Variants in ZSCAN5A observed in about 807,000 individuals in gnomAD.
ZSCAN5A encodes the protein zinc finger and SCAN domain-containing protein 5A.
In ZSCAN5A, 12 loss-of-function variants were observed where a neutral mutation model predicts 23.7. The ratio of observed to expected loss-of-function variants is 0.51; its 90% confidence interval spans 0.32 to 0.82. ZSCAN5A has a LOEUF of 0.82. ZSCAN5A is among the 40% of genes least tolerant of loss of function. ZSCAN5A has a pLI of 0.03. For synonymous variants in ZSCAN5A, 257 were observed against 239.9 expected, an observed-to-expected ratio of 1.07 and a Z score of -0.66; for missense variants, 597 against 617.9, an observed-to-expected ratio of 0.97 and a Z score of 0.36.
chr19:56,221,509 G>C lies in ZSCAN5A; in HGVS notation c.*66C>G. 1.3e-6 allele frequency: 2 copies of C among 1,519,016 alleles called. No individual in the cohort carries two copies. The highest frequency in any genetic ancestry group is 2.7e-5 in the South Asian group (2 of 74,500). The allele number at this position is 1,519,016 out of a possible 1,614,324, so 94.1% of individuals were successfully genotyped here. A position where few individuals can be genotyped will look rare whatever the true frequency, so the allele number is the denominator to read the frequency against. Reference sequence around the variant, plus strand: ...CCCTTGCATGTGTCAAATGTCATCTGATAACATTGATGAAAAATATCATTC... The same window carrying C: ...CCCTTGCATGTGTCAAATGTCATCTCATAACATTGATGAAAAATATCATTC... On this transcript the variant is annotated 3_prime_UTR_variant, in exon 6 of 6. Coordinates refer to ENST00000683990, the MANE Select transcript of ZSCAN5A (RefSeq NM_001322064.3).
intron 2 of ZSCAN5A, among the ~76,000 whole-genome samples, chr19:56,335,901 T>G (rs1424068938): frequency 6.6e-6 from 1 of 152,210 alleles, no homozygotes; most frequent in African/African-American, 2.4e-5. Flanking sequence ...TTAAGAATGT[T>G]GAATATTGGC....
intron 2 of ZSCAN5A, among the ~76,000 whole-genome samples, chr19:56,275,905 A>G (rs1462459227): frequency 6.6e-6 from 1 of 152,180 alleles, no homozygotes; most frequent in Admixed American, 6.5e-5. Context: ...GGACTTATCG[A>G]TGGATGGATG....
At chr19:56,236,284 T>C (rs376933634) in intron 2 of ZSCAN5A, among the ~76,000 whole-genome samples, 3 of 46,876 alleles carry the variant, frequency 6.4e-5, no homozygotes, top group Non-Finnish European at 1.2e-4. Context: ...CAGCCTCTGA[T>C]TGACCGTGGG....
chr19:56,228,130 G>C lies in ZSCAN5A; in HGVS notation c.-127-2957C>G, dbSNP rs149077828. ...TCAGAGTTAATCATGGGGTGCAAAG[G>C]AGACCCGCTGCCTTCACAAAGTCTC... On this transcript the variant is annotated intron_variant, in intron 2 of 5. Coordinates refer to ENST00000683990, the MANE Select transcript of ZSCAN5A (RefSeq NM_001322064.3). 2.0e-3 allele frequency: 1,391 copies of C among 711,004 alleles called. 39 individuals are homozygous for C. In the Admixed American group the frequency reaches 0.052, roughly 26 times the overall value. 44.0% of individuals were successfully genotyped at this position (711,004 alleles called of 1,614,324 possible). A position where few individuals can be genotyped will look rare whatever the true frequency, so the allele number is the denominator to read the frequency against.
intron 2 of ZSCAN5A, among the ~76,000 whole-genome samples, chr19:56,332,918 C>G (rs988801864): frequency 7.2e-5 from 11 of 152,042 alleles, no homozygotes; most frequent in African/African-American, 2.4e-4. Context: ...GCTTTTGAAG[C>G]CTAGTTTGGT....
chr19:56,254,966 G>A (rs2036596150), intron 2 of ZSCAN5A, among the ~76,000 whole-genome samples: 1 of 151,932 alleles, frequency 6.6e-6, no homozygotes, highest in African/African-American at 2.4e-5. Context: ...GTGCGAATAT[G>A]GTATCCCCCT....
At chr19:56,261,080 C>T (rs1162133487) in intron 2 of ZSCAN5A, among the ~76,000 whole-genome samples, 1 of 151,924 alleles carries the variant, frequency 6.6e-6, no homozygotes, top group Non-Finnish European at 1.5e-5. Context: ...TGGTGGCAGG[C>T]ACCTGTAATC....
intron 2 of ZSCAN5A, among the ~76,000 whole-genome samples, chr19:56,361,936 T>C (rs1358791304): frequency 6.6e-6 from 1 of 151,840 alleles, no homozygotes; most frequent in Admixed American, 6.6e-5. Flanking sequence ...GGAGGGCAGA[T>C]CATGAGGTCA....
chr19:56,323,197 G>A (rs1225279860), intron 2 of ZSCAN5A, among the ~76,000 whole-genome samples: 1 of 151,614 alleles, frequency 6.6e-6, no homozygotes, highest in Non-Finnish European at 1.5e-5. Context: ...CCCGGCCTTG[G>A]TTTCTTAAAA....
At chr19:56,252,780 G>A (rs2036435733) in intron 2 of ZSCAN5A, among the ~76,000 whole-genome samples, 2 of 152,358 alleles carry the variant, frequency 1.3e-5, no homozygotes, top group South Asian at 4.1e-4. Flanking sequence ...GTCACCAGGG[G>A]AAATAGGAGG....
chr19:56,222,783 C>G, intron 4 of ZSCAN5A, 42 bp from the exon 5 acceptor site: 1 of 1,613,668 alleles, frequency 6.2e-7, no homozygotes, highest in Non-Finnish European at 8.5e-7. Flanking sequence ...TGTGTCCAAA[C>G]TGGTGGAAGC....
At chr19:56,225,406 G>T (rs1010081538) in intron 2 of ZSCAN5A, 2 of 196,786 alleles carry the variant, frequency 1.0e-5, no homozygotes, top group African/African-American at 2.3e-5. Context: ...CTGTCAATTG[G>T]AACAACATTG....
chr19:56,255,292 T>A (rs190664155), intron 2 of ZSCAN5A, among the ~76,000 whole-genome samples: 1 of 152,144 alleles, frequency 6.6e-6, no homozygotes, highest in Non-Finnish European at 1.5e-5. Flanking sequence ...AGAACGTCAA[T>A]ATTGAGCAAA....
chr19:56,254,298 T>C (rs2036552166), intron 2 of ZSCAN5A, among the ~76,000 whole-genome samples: 1 of 152,234 alleles, frequency 6.6e-6, no homozygotes, highest in Non-Finnish European at 1.5e-5. Context: ...ACTATTTTAT[T>C]TATTATACAA....
chr19:56,354,414 T>C (rs2041689117), intron 2 of ZSCAN5A: 1 of 152,124 alleles, frequency 6.6e-6, no homozygotes, highest in African/African-American at 2.4e-5. Context: ...AAAGCATCAG[T>C]TGAATGCACT....
intron 2 of ZSCAN5A, among the ~76,000 whole-genome samples, chr19:56,355,710 G>A (rs2041696998): frequency 6.7e-6 from 1 of 148,884 alleles, no homozygotes; most frequent in African/African-American, 2.5e-5. Context: ...AGCGCAGTTT[G>A]TGTGTGTTTA....
chr19:56,244,123 T>C (rs12608538), intron 2 of ZSCAN5A: 1 of 1,558,968 alleles, frequency 6.4e-7, no homozygotes, highest in Non-Finnish European at 8.8e-7. Flanking sequence ...AGTCTGTGGC[T>C]TCCCCAGAAA....
At chr19:56,301,090 C>G (rs527756415) in intron 2 of ZSCAN5A, among the ~76,000 whole-genome samples, 131 of 152,124 alleles carry the variant, frequency 8.6e-4, no homozygotes, top group Non-Finnish European at 1.4e-3. Context: ...CGATCAAGAC[C>G]CCCAGAGAGG....
At chr19:56,252,438 G>A (rs1373305191) in intron 2 of ZSCAN5A, among the ~76,000 whole-genome samples, 1 of 152,202 alleles carries the variant, frequency 6.6e-6, no homozygotes, top group Non-Finnish European at 1.5e-5. Context: ...TTACATAACA[G>A]GATTTCTGAA....
Sources: gnomAD v4.1 joint callset for allele counts (sites outside exome capture counted in the v4.1 genomes callset) on GRCh38, gnomAD v4.1.1 for gene constraint, MANE v1.5 for transcripts, NCBI Gene and HGNC (gene_info 2026-07-23, HGNC 2026-07-21) for gene names.